The following CACNB2 variants were observed in gnomAD, a reference collection of about 807,000 sequenced individuals.
The protein encoded by CACNB2 is calcium voltage-gated channel auxiliary subunit beta 2.
In CACNB2, 42 loss-of-function variants were observed where a neutral mutation model predicts 73.3. The ratio of observed to expected loss-of-function variants is 0.57; its 90% CI spans 0.45 to 0.74. The LOEUF (loss-of-function observed/expected upper bound fraction) is 0.74. CACNB2 is among the 30% of genes least tolerant of loss of function. The pLI, the probability that CACNB2 is intolerant of heterozygous loss-of-function variation, is 0.00. For synonymous variants in CACNB2, 348 were observed against 310.3 expected, an observed-to-expected ratio of 1.12 and a Z score of -1.28; for missense variants, 940 against 853.0, an observed-to-expected ratio of 1.10 and a Z score of -1.27.
At chr10:18,315,332 AAAAACAAAACAAAAC>A (rs141967693) in intron 2 of CACNB2, among the ~76,000 whole-genome samples, 5 of 143,316 alleles carry the variant, frequency 3.5e-5, no homozygotes, top group African/African-American at 1.3e-4. Context: ...AGACTCTGTC[AAAAACAAAACAAAAC>A]AAAACAAAAC....
intron 2 of CACNB2, among the ~76,000 whole-genome samples, chr10:18,330,015 A>G (rs1376191852): frequency 6.6e-6 from 1 of 151,980 alleles, no homozygotes; most frequent in Non-Finnish European, 1.5e-5. Context: ...TAATTTTTAT[A>G]TTTTTAGTAG....
intron 1 of CACNB2, among the ~76,000 whole-genome samples, chr10:18,145,042 G>C (rs560478398): frequency 1.3e-5 from 2 of 152,310 alleles, no homozygotes; most frequent in South Asian, 4.2e-4. Context: ...GAGATTGTCA[G>C]TGGCACCTCC....
intron 2 of CACNB2, among the ~76,000 whole-genome samples, chr10:18,344,464 G>A (rs2041364632): frequency 6.6e-6 from 1 of 151,712 alleles, no homozygotes; most frequent in Non-Finnish European, 1.5e-5. Flanking sequence ...CCACCTTTTG[G>A]TTAAAGTGTT....
At chr10:18,170,517 C>T (rs970777093) in intron 2 of CACNB2, among the ~76,000 whole-genome samples, 15 of 152,178 alleles carry the variant, frequency 9.9e-5, no homozygotes, top group African/African-American at 3.6e-4. Flanking sequence ...AATATACTGG[C>T]ATCAGAACAT....
chr10:18,392,852 T>C (rs2043542505), intron 2 of CACNB2, among the ~76,000 whole-genome samples: 1 of 152,188 alleles, frequency 6.6e-6, no homozygotes, highest in African/African-American at 2.4e-5. Context: ...CCCTGCCTAC[T>C]TGTTTTCAAT....
chr10:18,525,413 T>C (rs1026684875), intron 9 of CACNB2, among the ~76,000 whole-genome samples: 1 of 152,204 alleles, frequency 6.6e-6, no homozygotes, highest in Non-Finnish European at 1.5e-5. Context: ...TAAATGCTTA[T>C]GGAATTCTGA....
chr10:18,519,878 TAC>T (rs1172745032), intron 9 of CACNB2: 9 of 382,112 alleles, frequency 2.4e-5, no homozygotes, highest in Non-Finnish European at 3.6e-5. Flanking sequence ...GCCCTAATCT[TAC>T]TTGACCATGA....
rs552981313 is a variant in CACNB2, at chr10:18,414,393, G to A, written c.333+12350G>A. ...TATGGTTATATTTATCTTGGCAATC[G>A]ACCTGTTAAGCTAGTTTTAACTTTC... On this transcript the variant is annotated intron_variant, in intron 3 of 13. Transcript: ENST00000324631. Among the ~76,000 whole-genome samples the A allele has an allele frequency of 1.2e-4, 18 of 151,922 alleles. 1 individual carries two copies. In the South Asian group the frequency reaches 2.9e-3, roughly 25 times the overall value.
intron 2 of CACNB2, among the ~76,000 whole-genome samples, chr10:18,248,029 A>G (rs991584611): frequency 6.6e-6 from 1 of 152,206 alleles, no homozygotes; most frequent in Admixed American, 6.5e-5. Context: ...ATCACCTCCC[A>G]AAGGCCTCTC....
At chr10:18,212,021 C>T (rs1338434491) in intron 2 of CACNB2, among the ~76,000 whole-genome samples, 1 of 152,198 alleles carries the variant, frequency 6.6e-6, no homozygotes, top group African/African-American at 2.4e-5. Context: ...GTGTTCACAG[C>T]TGTATCAACA....
chr10:18,469,991 A>G (rs571018493), intron 3 of CACNB2, among the ~76,000 whole-genome samples: 4 of 152,310 alleles, frequency 2.6e-5, no homozygotes, highest in African/African-American at 9.6e-5. Flanking sequence ...GAGATTAATT[A>G]TACTCATATT....
rs73595554 is a variant in CACNB2 at position 18,216,132 on chromosome 10, C to A, written c.213+65157C>A. Among the ~76,000 whole-genome samples, 242 of 76,276 alleles carry A rather than the reference C, an allele frequency of 3.2e-3. 1 individual carries two copies. Among genetic ancestry groups the A allele is most frequent in the African/African-American group, 7.5e-3 (231 of 30,622 alleles). The allele number at this position is 76,276 out of a possible 152,430, so 50.0% of individuals were successfully genotyped here. ...CCAACATGGTGAAACCCCGTCTCAA[C>A]TAAAAAAAAAAAAAAATAGCCAAAT... is the stretch of plus-strand genomic sequence containing the variant. On this transcript the variant is annotated intron_variant, in intron 2 of 13. Transcript: ENST00000324631.
rs74707569 is a variant in CACNB2 at position 18,381,230 on chromosome 10, C to T, written c.214-20694C>T. Among the ~76,000 whole-genome samples the T allele has an allele frequency of 9.0e-3, 1,358 of 150,880 alleles. 28 individuals carry two copies. Among genetic ancestry groups the T allele is most frequent in the East Asian group, 0.038 (195 of 5,146 alleles). ...TGCCTACTAGATGGTTCATTTTGGCCGGGTGCGGTGGCTCACGCCTATAAT... is the reference window on the plus strand; with the variant it reads ...TGCCTACTAGATGGTTCATTTTGGCTGGGTGCGGTGGCTCACGCCTATAAT... On this transcript the variant is annotated intron_variant, in intron 2 of 13. Coordinates refer to ENST00000324631, the MANE Select transcript of CACNB2 (RefSeq NM_201596.3).
intron 3 of CACNB2, among the ~76,000 whole-genome samples, chr10:18,415,696 AC>A (rs1301684422): frequency 1.3e-5 from 2 of 152,170 alleles, no homozygotes; most frequent in Middle Eastern, 3.2e-3. Context: ...GGGTCCAACA[AC>A]GCCTGCCATT....
intron 2 of CACNB2, among the ~76,000 whole-genome samples, chr10:18,339,525 T>C (rs2041150144): frequency 6.6e-6 from 1 of 151,824 alleles, no homozygotes; most frequent in African/African-American, 2.4e-5. Context: ...CATCTCTAAA[T>C]AAATAACTAA....
chr10:18,402,110 G>A, intron 3 of CACNB2, 67 bp downstream of exon 3: 1 of 1,544,564 alleles, frequency 6.5e-7, no homozygotes, highest in East Asian at 2.2e-5. Context: ...ACCACCTGTG[G>A]GAGTTTCCCC....
chr10:18,331,242 C>T (rs2040794752), intron 2 of CACNB2, among the ~76,000 whole-genome samples: 1 of 151,800 alleles, frequency 6.6e-6, no homozygotes, highest in Non-Finnish European at 1.5e-5. Context: ...TCTAAGCCTC[C>T]CAAAGTGCTG....
At chr10:18,201,559 G>A (rs757461333) in intron 2 of CACNB2, among the ~76,000 whole-genome samples, 57 of 152,232 alleles carry the variant, frequency 3.7e-4, no homozygotes, top group Non-Finnish European at 7.6e-4. Flanking sequence ...GCAGGCATGG[G>A]CCAGTATCAT....
At chr10:18,335,816 CACACACACAT>C (rs1564446274) in intron 2 of CACNB2, among the ~76,000 whole-genome samples, 1 of 151,628 alleles carries the variant, frequency 6.6e-6, no homozygotes. Flanking sequence ...CACACACACA[CACACACACAT>C]ACACACACAG....
Sources: allele counts gnomAD v4.1 joint callset (sites outside exome capture counted in the v4.1 genomes callset), GRCh38; gene constraint gnomAD v4.1.1; transcripts MANE v1.5; gene names NCBI Gene and HGNC (gene_info 2026-07-23, HGNC 2026-07-21).